PARP6: variants seen among roughly 807,000 people sequenced by gnomAD.
The protein encoded by PARP6 is poly(ADP-ribose) polymerase family member 6.
A neutral mutation model predicts 92.0 loss-of-function variants in PARP6; 27 were observed. That is an observed-to-expected ratio of 0.29 (90% CI 0.22 to 0.40). The LOEUF is 0.40. PARP6 is among the 10% of genes least tolerant of loss of function. The pLI is 1.00. For missense variants in PARP6, 501 were observed against 784.5 expected (o/e 0.64, Z 4.32); for synonymous variants, 272 against 281.2 (o/e 0.97, Z 0.33).
intron 13 of PARP6, 131 bp from the exon 14 acceptor site, chr15:72,256,721 A>G: frequency 1.4e-6 from 1 of 711,940 alleles, no homozygotes; most frequent in East Asian, 3.4e-5. Context: ...AATAGAAAAT[A>G]CAAGCTCATA....
Position 72,241,557 on chromosome 15 carries a change from T to C in PARP6, c.1791A>G (p.Val597=). 6.2e-7 allele frequency: 1 copy of C among 1,609,050 alleles called. No homozygotes were observed. Residue 597 remains valine, a splice_region_variant and synonymous_variant, in exon 24 of 24, where the codon GTA becomes GTG. Transcript: ENST00000569795. This position sits in a 1 kb window ranked among gnomAD's most constrained non-coding sequence, Gnocchi z 4.1. ...CATCGCCCACCTGACCATCCTCATA[T>C]CTGCCAAAGATAGGGCAAGTGTGAG... ...SDHVCTRFFF[V]YEDGQVGDAN...
intron 17 of PARP6, 87 bp downstream of exon 17, chr15:72,251,120 C>T: frequency 1.9e-6 from 2 of 1,028,192 alleles, no homozygotes; most frequent in Non-Finnish European, 3.1e-6. Context: ...GTAGGCAGAT[C>T]TAGGACCAAT....
chr15:72,266,963 T>C, intron 3 of PARP6, 141 bp from the exon 4 acceptor site: 2 of 659,668 alleles, frequency 3.0e-6, no homozygotes, highest in Non-Finnish European at 5.5e-6. Context: ...CTTTACACCT[T>C]TCATGTCACC....
intron 14 of PARP6, 97 bp downstream of exon 14, chr15:72,256,365 CCTT>C: frequency 1.0e-6 from 1 of 964,148 alleles, no homozygotes. Flanking sequence ...GAATTCTGTC[CCTT>C]ATTCCAAGCC....
At chr15:72,250,552 G>T in intron 18 of PARP6, 1 of 377,262 alleles carries the variant, frequency 2.7e-6, no homozygotes, top group Non-Finnish European at 4.8e-6. Flanking sequence ...CATAAATTGT[G>T]GATTTTTCCA....
chr15:72,255,764 T>TTTACATATA, intron 14 of PARP6, among the ~76,000 whole-genome samples: 1 of 149,710 alleles, frequency 6.7e-6, no homozygotes, highest in Admixed American at 6.6e-5. Context: ...AAAACAGTAC[T>TTTACATATA]TTACATATAT....
chr15:72,260,444 GA>G, intron 10 of PARP6, 33 bp downstream of exon 10: 2 of 1,558,810 alleles, frequency 1.3e-6, no homozygotes, highest in Non-Finnish European at 1.8e-6. Flanking sequence ...CCACCCTCCT[GA>G]TAGCCAAGTC....
chr15:72,264,367 C>A (rs1447784962), intron 8 of PARP6, among the ~76,000 whole-genome samples, 188 bp downstream of exon 8: 1 of 152,196 alleles, frequency 6.6e-6, no homozygotes, highest in Non-Finnish European at 1.5e-5. Flanking sequence ...CACCCAAGAA[C>A]CACATACTCT....
chr15:72,248,865 C>T (rs769993700), intron 20 of PARP6, among the ~76,000 whole-genome samples: 10 of 152,252 alleles, frequency 6.6e-5, no homozygotes, highest in South Asian at 2.1e-4. Flanking sequence ...ATGGAAAGGA[C>T]GCAAGCCTTC....
At chr15:72,261,829 A>C in intron 8 of PARP6, 122 bp from the exon 9 acceptor site, 1 of 904,048 alleles carries the variant, frequency 1.1e-6, no homozygotes, top group Non-Finnish European at 1.7e-6. Flanking sequence ...TGGTAGGGGA[A>C]TGTGTATCTG....
intron 20 of PARP6, 84 bp downstream of exon 20, chr15:72,249,161 A>G: frequency 1.4e-6 from 1 of 706,832 alleles, no homozygotes; most frequent in Non-Finnish European, 2.5e-6. Context: ...ATCCATAATG[A>G]GGGAGGAACA....
rs529403681 is a variant in PARP6 at position 72,256,086 on chromosome 15, C to T, written c.1125+379G>A. Among the ~76,000 whole-genome samples the T allele has an allele frequency of 1.3e-4, 19 of 151,958 alleles. No homozygotes were observed. The South Asian group carries it at 2.7e-3, about 22-fold the overall frequency. ...TGCTGGGATTACAGGCGTGAGCCAC[C>T]GCGCCCAGCCTACTTCTCATTTGTA... On this transcript the variant is annotated intron_variant, in intron 14 of 23. Transcript: ENST00000569795.
chr15:72,265,528 T>C (rs970730557), intron 5 of PARP6, 55 bp from the exon 6 acceptor site: 26 of 1,353,150 alleles, frequency 1.9e-5, no homozygotes, highest in African/African-American at 7.2e-5. Context: ...AAGAAGGGAA[T>C]AGAAACTGAG....
At chr15:72,271,391 G>A (rs760844206) in intron 1 of PARP6, 104 bp from the exon 2 acceptor site, 12 of 152,192 alleles carry the variant, frequency 7.9e-5, no homozygotes, top group Non-Finnish European at 1.8e-4. Flanking sequence ...TTTAGTGAAA[G>A]GGACTTGCTT....
intron 9 of PARP6, among the ~76,000 whole-genome samples, chr15:72,261,330 C>T (rs1298652944): frequency 2.0e-5 from 3 of 152,202 alleles, no homozygotes; most frequent in African/African-American, 7.2e-5. Context: ...TCTCCAAATA[C>T]ATATCACGAG....
At chr15:72,251,378 TTG>T (rs1315683940) in intron 16 of PARP6, 123 bp from the exon 17 acceptor site, 39 of 602,170 alleles carry the variant, frequency 6.5e-5, no homozygotes, top group Non-Finnish European at 1.1e-4. Context: ...GCTGTCCAAA[TTG>T]TGTGAAATGT....
chr15:72,258,292 C>A (rs1301032090), intron 11 of PARP6, among the ~76,000 whole-genome samples, 160 bp from the exon 12 acceptor site: 1 of 152,196 alleles, frequency 6.6e-6, no homozygotes, highest in East Asian at 1.9e-4. Flanking sequence ...GGCCTGACTG[C>A]AGAGCTAAGA....
chr15:72,251,318 G>A, intron 16 of PARP6, 63 bp from the exon 17 acceptor site: 22 of 933,318 alleles, frequency 2.4e-5, no homozygotes, highest in East Asian at 1.8e-4. Flanking sequence ...TATCCTTTCT[G>A]AACAAGCCAG....
intron 2 of PARP6, among the ~76,000 whole-genome samples, chr15:72,268,629 C>G (rs964611478): frequency 6.6e-6 from 1 of 152,108 alleles, no homozygotes; most frequent in Non-Finnish European, 1.5e-5. Context: ...ATCCGGGAGG[C>G]GGAGATTGCA....
Sources: gnomAD v4.1 joint callset for allele counts (sites outside exome capture counted in the v4.1 genomes callset) on GRCh38, gnomAD v4.1.1 for gene constraint, Gnocchi (gnomAD v3.1) non-coding constraint, MANE v1.5 for transcripts, NCBI Gene and HGNC (gene_info 2026-07-23, HGNC 2026-07-21) for gene names.